The following CAST variants were observed in gnomAD, a reference collection of about 807,000 sequenced individuals.
CAST encodes the protein MIR583 host.
A neutral mutation model predicts 119.6 loss-of-function variants in CAST; 76 were observed. The ratio of observed to expected loss-of-function variants is 0.64; its 90% CI spans 0.53 to 0.77. The LOEUF is 0.77. Among genes scored for constraint, CAST ranks in the 30% least tolerant of loss-of-function variants. CAST has a pLI of 0.00. For missense variants in CAST, 953 were observed against 946.5 expected (o/e 1.01, Z -0.09); for synonymous variants, 319 against 331.6 (o/e 0.96, Z 0.41).
At chr5:96,469,850 TATATATATGTGTGTGTATATATATATATA>T in the CAST span, among the ~76,000 whole-genome samples, 1 of 129,912 alleles carries the variant, frequency 7.7e-6, no homozygotes, top group African/African-American at 3.1e-5. Flanking sequence ...GAGAGAAATA[TATATATATGTGTGTGTATATATATATATA>T]ATATATATAT....
the CAST span, among the ~76,000 whole-genome samples, chr5:95,964,250 G>T: frequency 6.6e-6 from 1 of 152,190 alleles, no homozygotes; most frequent in East Asian, 1.9e-4. Flanking sequence ...AGATGGTCAA[G>T]TTATGATGCT....
chr5:95,980,544 A>C, the CAST span: 13 of 152,212 alleles, frequency 8.5e-5, no homozygotes, highest in African/African-American at 3.1e-4. Flanking sequence ...AAAAAGCAAG[A>C]AAATTAAAAT....
chr5:96,653,251 C>G (rs1748117287), intron 1 of CAST, among the ~76,000 whole-genome samples: 1 of 152,230 alleles, frequency 6.6e-6, no homozygotes, highest in Admixed American at 6.5e-5. Flanking sequence ...TAGACCCCAC[C>G]TGGTATTGAA....
intron 1 of CAST, among the ~76,000 whole-genome samples, chr5:96,607,143 C>T (rs575610141): frequency 4.6e-5 from 7 of 152,176 alleles, no homozygotes; most frequent in African/African-American, 1.4e-4. Flanking sequence ...AAAAAATTAG[C>T]CGGGCGTGGT....
At chr5:96,629,444 A>G (rs1361572499) in intron 1 of CAST, among the ~76,000 whole-genome samples, 2 of 152,128 alleles carry the variant, frequency 1.3e-5, no homozygotes, top group Non-Finnish European at 2.9e-5. Flanking sequence ...GACTTTGCCA[A>G]GCCTCCATTT....
chr5:96,022,849 C>A, the CAST span, among the ~76,000 whole-genome samples: 1 of 152,138 alleles, frequency 6.6e-6, no homozygotes, highest in Non-Finnish European at 1.5e-5. Flanking sequence ...CAGGAAACCT[C>A]TGTTTTCTGC....
chr5:96,067,110 A>C, the CAST span, among the ~76,000 whole-genome samples: 1 of 152,198 alleles, frequency 6.6e-6, no homozygotes, highest in Non-Finnish European at 1.5e-5. Flanking sequence ...CTGTGGGATA[A>C]ACAAATTTAT....
the CAST span, among the ~76,000 whole-genome samples, chr5:96,115,590 A>G: frequency 6.6e-6 from 1 of 152,204 alleles, no homozygotes; most frequent in Non-Finnish European, 1.5e-5. Flanking sequence ...CTGGTTCCAG[A>G]GTTCAAGGCA....
intron 21 of CAST, 95 bp downstream of exon 21, chr5:96,754,256 C>A: frequency 1.2e-6 from 1 of 807,840 alleles, no homozygotes; most frequent in Non-Finnish European, 2.1e-6. Flanking sequence ...TTTTATATTT[C>A]CTGTAAAACA....
the CAST span, chr5:96,412,916 C>G: frequency 3.4e-5 from 9 of 268,430 alleles, no homozygotes; most frequent in Non-Finnish European, 4.9e-5. Context: ...AACTAAATGA[C>G]AGACCAGCTT....
chr5:96,091,104 G>T, the CAST span, among the ~76,000 whole-genome samples: 1 of 152,032 alleles, frequency 6.6e-6, no homozygotes, highest in Non-Finnish European at 1.5e-5. Context: ...GTGTAGGGTT[G>T]GGGTGGAGGC....
chr5:96,450,873 G>A, the CAST span, among the ~76,000 whole-genome samples: 25 of 152,008 alleles, frequency 1.6e-4, no homozygotes, highest in Non-Finnish European at 3.5e-4. Flanking sequence ...TTTCAATCTG[G>A]AAGCTCATTT....
At position 96,675,588 on chromosome 5, in the gene CAST, A is replaced by G. The variant is rs762055986; in HGVS notation, c.125A>G (p.Lys42Arg). ...SESPSKPGEKKGSDEKKAASL... is the reference protein window; with the variant it reads ...SESPSKPGEKRGSDEKKAASL... ...TCGCCTTCCAAACCAGGAGAAAAGA[A>G]AGGATCAGATGAGGTAATTTCCACA... is the stretch of plus-strand genomic sequence containing the variant. Residue 42 changes from lysine to arginine, a missense_variant, in exon 2 of 32, where the codon AAA becomes AGA. Transcript: ENST00000675179. The G allele has an allele frequency of 1.2e-6, 2 of 1,613,066 alleles. No individual in the cohort carries two copies. The highest frequency in any genetic ancestry group is 1.7e-6 in the Non-Finnish European group (2 of 1,179,044).
chr5:96,142,009 A>G, the CAST span, among the ~76,000 whole-genome samples: 1 of 152,244 alleles, frequency 6.6e-6, no homozygotes, highest in East Asian at 1.9e-4. Context: ...CATTCCATAA[A>G]TGCCCATGCT....
the CAST span, chr5:96,247,960 T>TTA: frequency 6.6e-6 from 1 of 152,250 alleles, no homozygotes; most frequent in Non-Finnish European, 1.5e-5. Flanking sequence ...TATTCCTGGC[T>TTA]TATAGCCTCA....
At chr5:96,427,085 G>A in the CAST span, among the ~76,000 whole-genome samples, 2 of 152,188 alleles carry the variant, frequency 1.3e-5, no homozygotes, top group Admixed American at 1.3e-4. Flanking sequence ...TTGAGGTAGA[G>A]GGTCACTTAC....
chr5:96,318,887 T>G, the CAST span: 3 of 152,242 alleles, frequency 2.0e-5, no homozygotes, highest in Non-Finnish European at 4.4e-5. Flanking sequence ...GGCCATTTCC[T>G]AAGTACTTTA....
intron 3 of CAST, among the ~76,000 whole-genome samples, chr5:96,705,451 C>T (rs565938180): frequency 3.3e-5 from 5 of 152,112 alleles, no homozygotes; most frequent in Non-Finnish European, 5.9e-5. Context: ...GACTTGATGG[C>T]TTCTGGACAA....
chr5:96,746,168 CCTTTCT>C (rs1162319313), intron 16 of CAST, among the ~76,000 whole-genome samples, 168 bp from the exon 17 acceptor site: 5 of 152,306 alleles, frequency 3.3e-5, no homozygotes, highest in African/African-American at 1.2e-4. Context: ...CCCACTGCTC[CCTTTCT>C]CACAGCTGCC....
Sources: gnomAD v4.1 joint callset for allele counts (sites outside exome capture counted in the v4.1 genomes callset) on GRCh38, gnomAD v4.1.1 for gene constraint, MANE v1.5 for transcripts, NCBI Gene and HGNC (gene_info 2026-07-23, HGNC 2026-07-21) for gene names.